The following ZRANB3 variants were observed in gnomAD, a reference collection of about 807,000 sequenced individuals.
ZRANB3 encodes DNA annealing helicase and endonuclease ZRANB3.
In ZRANB3, 125 loss-of-function variants were observed where a neutral mutation model predicts 133.8. The ratio of observed to expected loss-of-function variants is 0.93; its 90% CI spans 0.81 to 1.08. The LOEUF (loss-of-function observed/expected upper bound fraction) is 1.08, where lower values mean the gene tolerates loss of function less well. ZRANB3 is among the 50% of genes least tolerant of loss of function. The probability of loss-of-function intolerance (pLI) is 0.00; values close to 1 mark genes in which losing one functional copy is unlikely to be tolerated. For synonymous variants in ZRANB3, 387 were observed against 432.7 expected (o/e 0.89, Z 1.31); for missense variants, 1,229 against 1,275.5 (o/e 0.96, Z 0.56).
chr2:135,361,563 T>C (rs76772903), intron 3 of ZRANB3, among the ~76,000 whole-genome samples: 15,969 of 137,478 alleles, frequency 0.12, 1,093 homozygotes, highest in South Asian at 0.32. Flanking sequence ...AAAATGCTCA[T>C]TGACATTTTT....
intron 3 of ZRANB3, among the ~76,000 whole-genome samples, chr2:135,385,659 G>A (rs1011323407): frequency 6.6e-6 from 1 of 152,110 alleles, no homozygotes. Context: ...AATAGATCGG[G>A]AACAGAGGTC....
At chr2:135,466,095 T>A (rs1032961291) in intron 2 of ZRANB3, among the ~76,000 whole-genome samples, 3 of 152,104 alleles carry the variant, frequency 2.0e-5, no homozygotes, top group African/African-American at 7.2e-5. Context: ...ATATGAAGAA[T>A]GGATGGGCCA....
At chr2:135,277,320 T>C (rs1466672629) in intron 8 of ZRANB3, among the ~76,000 whole-genome samples, 1 of 152,206 alleles carries the variant, frequency 6.6e-6, no homozygotes, top group Admixed American at 6.5e-5. Context: ...TCACCATTTA[T>C]TGAAGGCCAC....
At chr2:135,297,742 G>T (rs1682216770) in intron 8 of ZRANB3, among the ~76,000 whole-genome samples, 3 of 152,290 alleles carry the variant, frequency 2.0e-5, no homozygotes, top group African/African-American at 4.8e-5. Context: ...GTCTTTGTCA[G>T]ATTGCATTAA....
At chr2:135,268,178 CAG>C (rs1286145922) in intron 11 of ZRANB3, among the ~76,000 whole-genome samples, 1 of 151,286 alleles carries the variant, frequency 6.6e-6, no homozygotes, top group African/African-American at 2.4e-5. Context: ...TCTTTTGAGA[CAG>C]AGTCTTGCTC....
intron 12 of ZRANB3, among the ~76,000 whole-genome samples, chr2:135,241,797 G>A (rs1244662118): frequency 6.6e-6 from 1 of 152,152 alleles, no homozygotes; most frequent in African/African-American, 2.4e-5. Context: ...AAAAAGAAGA[G>A]CTAAGGAAAC....
rs527448192 is a variant in ZRANB3 at position 135,265,641 on chromosome 2, G to C, written c.1432C>G (p.Gln478Glu). The change falls in exon 12 of 21, where the codon CAG becomes GAG. Residue 478 changes from glutamine (Q) to glutamate (E), a missense_variant. By Grantham distance (29) the Gln-to-Glu change is conservative (BLOSUM62 2). Coordinates refer to ENST00000264159, the MANE Select transcript of ZRANB3 (RefSeq NM_032143.4). ...TTTTCCTTATCACCTTCCTCAGCCT[G>C]AATTTTTTCTTTCCTACCGTTCAGT... The part of the protein sequence containing the change: ...STLNGRKEKI[Q>E]AEEGDKEKWD... The C allele has an allele frequency of 1.1e-4, 170 of 1,613,584 alleles. 2 individuals carry two copies. The South Asian group carries it at 1.8e-3, about 17-fold the overall frequency.
At chr2:135,457,092 C>G (rs951705599) in intron 2 of ZRANB3, among the ~76,000 whole-genome samples, 3 of 152,162 alleles carry the variant, frequency 2.0e-5, no homozygotes, top group Admixed American at 1.3e-4. Context: ...CCTCTTGTGT[C>G]TGGCTTCCTT....
At chr2:135,326,937 T>C (rs1683865898) in intron 6 of ZRANB3, among the ~76,000 whole-genome samples, 1 of 150,914 alleles carries the variant, frequency 6.6e-6, no homozygotes, top group Non-Finnish European at 1.5e-5. Flanking sequence ...AGTCCTTCCT[T>C]ACTCTTTAGA....
intron 8 of ZRANB3, among the ~76,000 whole-genome samples, chr2:135,290,624 T>C (rs1377110359): frequency 1.3e-5 from 2 of 152,202 alleles, no homozygotes; most frequent in African/African-American, 4.8e-5. Flanking sequence ...TGAGGTACTA[T>C]TCTATTAATT....
chr2:135,500,534 A>G (rs908601585), intron 2 of ZRANB3, among the ~76,000 whole-genome samples: 2 of 152,142 alleles, frequency 1.3e-5, no homozygotes, highest in African/African-American at 2.4e-5. Context: ...CAATTACAAT[A>G]ATATAGTTGA....
At chr2:135,275,859 T>C in intron 8 of ZRANB3, 104 bp from the exon 9 acceptor site, 5 of 952,580 alleles carry the variant, frequency 5.2e-6, no homozygotes, top group Non-Finnish European at 5.7e-6. Context: ...TCAGTAAATA[T>C]GAACTTTTAG....
chr2:135,320,962 A>T (rs1683497046), intron 6 of ZRANB3, among the ~76,000 whole-genome samples: 1 of 152,332 alleles, frequency 6.6e-6, no homozygotes, highest in East Asian at 1.9e-4. Context: ...TATATATGTT[A>T]TTGGGTATAT....
chr2:135,449,944 G>C (rs1260590138), intron 2 of ZRANB3, among the ~76,000 whole-genome samples: 1 of 152,138 alleles, frequency 6.6e-6, no homozygotes. Context: ...ATTTTGTAGA[G>C]ACAGGGTCTC....
intron 12 of ZRANB3, among the ~76,000 whole-genome samples, chr2:135,232,330 G>A (rs898455081): frequency 1.4e-4 from 21 of 152,212 alleles, no homozygotes; most frequent in Non-Finnish European, 2.8e-4. Context: ...AGCTCAAGGA[G>A]GCCTGCCTGC....
chr2:135,230,916 T>C lies in ZRANB3; in HGVS notation c.1551A>G (p.Glu517=), dbSNP rs1694984433. 6.5e-7 allele frequency: 1 copy of C among 1,549,338 alleles called. No individual in the cohort carries two copies. The highest frequency in any genetic ancestry group is 8.7e-7 in the Non-Finnish European group (1 of 1,150,164). The change falls in exon 13 of 21, where the codon GAA becomes GAG. Residue 517 remains glutamate, a synonymous_variant. Coordinates refer to ENST00000264159, the MANE Select transcript of ZRANB3 (RefSeq NM_032143.4). ...KEALFTHFEK[E]KQHDIRSFFV... ...AAAATGATCGAATATCATGCTGTTT[T>C]TCTTTTTCGAACTAGGAAAAGCAAA... is the stretch of plus-strand genomic sequence containing the variant.
In ZRANB3 at chr2:135,315,361, T is replaced by C. The variant is rs1683198992; in HGVS notation, c.847A>G (p.Lys283Glu). The C allele has an allele frequency of 1.9e-6, 3 of 1,562,276 alleles. No individual in the cohort carries two copies. In the East Asian group the frequency reaches 6.9e-5, roughly 36 times the overall value. The stretch of plus-strand genomic sequence containing the variant: ...TTAAATCAAGCAACGGTTCTCACCT[T>C]GGCAGCTGCTGATGGAAGATCAAAT... The part of the protein sequence containing the change: ...IPFDLPSAAA[K>E]ELNTSFEEWE... Residue 283 changes from lysine to glutamate, a missense_variant and splice_region_variant, in exon 7 of 21, where the codon AAG becomes GAG. By Grantham distance (56) the Lys-to-Glu change is moderately conservative. Coordinates refer to ENST00000264159, the MANE Select transcript of ZRANB3 (RefSeq NM_032143.4).
At chr2:135,344,699 T>A (rs1355905719) in intron 6 of ZRANB3, among the ~76,000 whole-genome samples, 1 of 152,066 alleles carries the variant, frequency 6.6e-6, no homozygotes, top group African/African-American at 2.4e-5. Context: ...ATTGTACCAC[T>A]GCACTCCATC....
At chr2:135,340,325 C>T (rs13390157) in intron 6 of ZRANB3, among the ~76,000 whole-genome samples, 2 of 151,960 alleles carry the variant, frequency 1.3e-5, no homozygotes, top group East Asian at 1.9e-4. Context: ...AAACTGGTCT[C>T]GAACTCCTGA....
Sources: allele counts gnomAD v4.1 joint callset (sites outside exome capture counted in the v4.1 genomes callset), GRCh38; gene constraint gnomAD v4.1.1; transcripts MANE v1.5; gene names NCBI Gene and HGNC (gene_info 2026-07-23, HGNC 2026-07-21).